The following C10orf67 variants were observed in gnomAD, a reference collection of about 807,000 sequenced individuals.
The protein encoded by C10orf67 is chromosome 10 open reading frame 67.
C10orf67 carries 60 observed loss-of-function variants against 35.6 expected under a neutral mutation model. The ratio of observed to expected loss-of-function variants is 1.68; its 90% CI spans 1.37 to 2.09. The LOEUF (loss-of-function observed/expected upper bound fraction) is 2.09. Among genes scored for constraint, C10orf67 ranks in the 30% most tolerant of loss-of-function variants. The pLI is 0.00. For missense variants in C10orf67, 474 were observed against 330.2 expected (o/e 1.44, Z -3.38); for synonymous variants, 167 against 115.8 (o/e 1.44, Z -2.84).
At chr10:23,339,430 A>C (rs1450621498) in intron 1 of C10orf67, among the ~76,000 whole-genome samples, 2 of 149,736 alleles carry the variant, frequency 1.3e-5, no homozygotes, top group Non-Finnish European at 3.0e-5. Flanking sequence ...AAAAAGGCAG[A>C]ACTTTTAAAA....
At chr10:23,296,417 T>A (rs1843881981) in intron 5 of C10orf67, among the ~76,000 whole-genome samples, 1 of 152,186 alleles carries the variant, frequency 6.6e-6, no homozygotes, top group African/African-American at 2.4e-5. Flanking sequence ...CTGATTGGTC[T>A]GGTGTGAGCT....
intron 5 of C10orf67, among the ~76,000 whole-genome samples, chr10:23,301,683 C>T (rs1330211572): frequency 1.3e-5 from 2 of 151,864 alleles, no homozygotes; most frequent in African/African-American, 2.4e-5. Context: ...TTGGGCCATG[C>T]GGTGGTGGTG....
intron 2 of C10orf67, among the ~76,000 whole-genome samples, chr10:23,325,532 C>CAA (rs869275809): frequency 1.5e-4 from 14 of 92,918 alleles, no homozygotes; most frequent in Non-Finnish European, 1.8e-4. Context: ...TAATTGTGTG[C>CAA]AAAAAAAAAA....
At chr10:23,305,151 G>C (rs1262555959) in intron 4 of C10orf67, among the ~76,000 whole-genome samples, 2 of 152,048 alleles carry the variant, frequency 1.3e-5, no homozygotes, top group African/African-American at 4.8e-5. Context: ...GAAGAATCAG[G>C]CAAACATGAC....
Position 23,320,104 on chromosome 10 carries a change from A to G in C10orf67, c.546+637T>C, listed in dbSNP as rs1009311216. ...AGATCCTTAAGGTTGACAGTCTGGC[A>G]TGGAACGGAGATACTTCACAAGCAA... On this transcript the variant is annotated intron_variant, in intron 4 of 15. Transcript: ENST00000636213. Among the ~76,000 whole-genome samples, 60 of 152,234 alleles carry G rather than the reference A, an allele frequency of 3.9e-4. 1 individual carries two copies. Among genetic ancestry groups the G allele is most frequent in the Admixed American group, 3.9e-3 (60 of 15,282 alleles).
chr10:23,239,929 A>G (rs1842140182), intron 12 of C10orf67, 113 bp from the exon 13 acceptor site: 4 of 453,238 alleles, frequency 8.8e-6, no homozygotes, highest in South Asian at 1.2e-4. Flanking sequence ...ATATTACCAA[A>G]TAAAAATATA....
chr10:23,300,426 T>C (rs1457039097), intron 5 of C10orf67, among the ~76,000 whole-genome samples: 2 of 152,156 alleles, frequency 1.3e-5, no homozygotes, highest in Non-Finnish European at 2.9e-5. Context: ...TGATCTCTAT[T>C]ATAAAAAACC....
chr10:23,226,651 G>A (rs1477322903), intron 13 of C10orf67, among the ~76,000 whole-genome samples: 1 of 152,082 alleles, frequency 6.6e-6, no homozygotes, highest in African/African-American at 2.4e-5. Context: ...GAATCCAGGA[G>A]GTGGTTTCCT....
At chr10:23,299,150 A>T (rs2132276849) in intron 5 of C10orf67, among the ~76,000 whole-genome samples, 1 of 152,170 alleles carries the variant, frequency 6.6e-6, no homozygotes, top group East Asian at 1.9e-4. Flanking sequence ...ATAGAGGAAC[A>T]ACAGACTCAT....
chr10:23,221,570 A>G (rs1010564839), intron 15 of C10orf67, among the ~76,000 whole-genome samples: 8 of 152,176 alleles, frequency 5.3e-5, no homozygotes, highest in East Asian at 1.9e-4. Context: ...AATCTTGGCT[A>G]ATTTGGCCCT....
At chr10:23,313,218 A>G (rs933899233) in intron 4 of C10orf67, among the ~76,000 whole-genome samples, 1 of 152,234 alleles carries the variant, frequency 6.6e-6, no homozygotes, top group Non-Finnish European at 1.5e-5. Flanking sequence ...GTAATTGCTA[A>G]GTTTATTATC....
intron 10 of C10orf67, among the ~76,000 whole-genome samples, chr10:23,265,070 C>A (rs1246882112): frequency 6.6e-6 from 1 of 152,250 alleles, no homozygotes; most frequent in Non-Finnish European, 1.5e-5. Flanking sequence ...CTTCCAGTGT[C>A]AGTTTTTTCC....
chr10:23,329,572 C>A (rs1845349380), intron 2 of C10orf67, among the ~76,000 whole-genome samples: 1 of 151,720 alleles, frequency 6.6e-6, no homozygotes, highest in Non-Finnish European at 1.5e-5. Context: ...GATTGAACAA[C>A]AATAGTGTAA....
intron 3 of C10orf67, 50 bp from the exon 4 acceptor site, chr10:23,320,865 G>T: frequency 8.1e-7 from 1 of 1,235,446 alleles, no homozygotes. Flanking sequence ...TTCCAAATAT[G>T]ACCCACACCT....
chr10:23,254,564 T>C (rs1182914812), intron 10 of C10orf67, among the ~76,000 whole-genome samples: 3 of 152,198 alleles, frequency 2.0e-5, no homozygotes, highest in Admixed American at 1.3e-4. Flanking sequence ...AATTTGTATA[T>C]ACATTTATAA....
chr10:23,202,574 T>TA (rs1841054519), downstream of C10orf67: 1 of 151,032 alleles, frequency 6.6e-6, no homozygotes, highest in Admixed American at 6.6e-5. Flanking sequence ...CTGCAAAACA[T>TA]ACAGCAAAAC....
intron 1 of C10orf67, among the ~76,000 whole-genome samples, chr10:23,336,671 C>T (rs1264162478): frequency 6.6e-6 from 1 of 152,132 alleles, no homozygotes; most frequent in Non-Finnish European, 1.5e-5. Context: ...TGGACCATCA[C>T]ACCTGACTAA....
intron 12 of C10orf67, among the ~76,000 whole-genome samples, chr10:23,247,474 G>C (rs1842346078): frequency 6.6e-6 from 1 of 152,094 alleles, no homozygotes; most frequent in African/African-American, 2.4e-5. Flanking sequence ...TGTGTGGTAG[G>C]CTATGCCATC....
chr10:23,277,352 C>T (rs1843222196), intron 8 of C10orf67, among the ~76,000 whole-genome samples: 1 of 151,910 alleles, frequency 6.6e-6, no homozygotes, highest in South Asian at 2.1e-4. Flanking sequence ...CAGGAGTTCA[C>T]AACCAGCCTG....
Sources: gnomAD v4.1 joint callset for allele counts (sites outside exome capture counted in the v4.1 genomes callset) on GRCh38, gnomAD v4.1.1 for gene constraint, MANE v1.5 for transcripts, NCBI Gene and HGNC (gene_info 2026-07-23, HGNC 2026-07-21) for gene names.